CEPT1: variants seen among roughly 807,000 people sequenced by gnomAD.
CEPT1 encodes choline/ethanolaminephosphotransferase 1.
In CEPT1, 7 loss-of-function variants were observed where a neutral mutation model predicts 42.6. That is an observed-to-expected ratio of 0.16 (90% CI 0.09 to 0.31). The LOEUF is 0.31. CEPT1 is among the 10% of genes least tolerant of loss of function. The pLI is 1.00. For synonymous variants in CEPT1, 171 were observed against 171.9 expected (o/e 0.99, Z 0.04); for missense variants, 306 against 502.1 (o/e 0.61, Z 3.73).
chr1:111,176,207 T>A (rs1285019577), intron 5 of CEPT1, among the ~76,000 whole-genome samples: 1 of 152,216 alleles, frequency 6.6e-6, no homozygotes, highest in Non-Finnish European at 1.5e-5. Context: ...TTCAGTTATG[T>A]ATCTTAGATT....
At chr1:111,177,232 G>A (rs899171553) in intron 5 of CEPT1, among the ~76,000 whole-genome samples, 2 of 152,210 alleles carry the variant, frequency 1.3e-5, no homozygotes, top group Non-Finnish European at 2.9e-5. Context: ...CTTTGTGGGT[G>A]TACTTACGTG....
chr1:111,158,719 C>T (rs1459122546), intron 2 of CEPT1, among the ~76,000 whole-genome samples: 1 of 151,914 alleles, frequency 6.6e-6, no homozygotes, highest in East Asian at 1.9e-4. Context: ...TCATGTAATA[C>T]CTGCAAACAT....
In CEPT1 at chr1:111,166,633, A is replaced by AGT. The variant is rs1283724251; in HGVS notation, c.629+5341_629+5342dup. On this transcript the variant is annotated intron_variant, in intron 4 of 8. Coordinates refer to ENST00000357172, the MANE Select transcript of CEPT1 (RefSeq NM_006090.5). Reference sequence around the variant, plus strand: ...GTTTTTTTGAGATAGCAGAGGTAGGAGTGTGGTGAGGCTTGGGACAGGGAA... The same window carrying AGT: ...GTTTTTTTGAGATAGCAGAGGTAGGAGTGTGTGGTGAGGCTTGGGACAGGGAA... Among the ~76,000 whole-genome samples the AGT allele has an allele frequency of 3.3e-5, 5 of 152,266 alleles. No homozygotes were observed. In the East Asian group the frequency reaches 9.6e-4, roughly 29 times the overall value.
intron 4 of CEPT1, among the ~76,000 whole-genome samples, chr1:111,172,810 AT>A (rs1288638727): frequency 6.6e-6 from 1 of 152,244 alleles, no homozygotes; most frequent in East Asian, 1.9e-4. Flanking sequence ...AGATAAGCAA[AT>A]AAAAAATATT....
At chr1:111,155,057 GGT>G (rs1489163801) in intron 2 of CEPT1, among the ~76,000 whole-genome samples, 1 of 152,148 alleles carries the variant, frequency 6.6e-6, no homozygotes, top group Non-Finnish European at 1.5e-5. Flanking sequence ...CAGAAGAATT[GGT>G]GTAGTTCTTT....
rs1655850600 is a variant in CEPT1 at position 111,161,201 on chromosome 1, C to T, written c.534C>T (p.Asn178=). 3.1e-6 allele frequency: 5 copies of T among 1,613,996 alleles called. No homozygotes were observed. The highest frequency in any genetic ancestry group is 4.2e-6 in the Non-Finnish European group (5 of 1,179,962). ...GTATTGCAGTGCAGCTGGGGACAAA[C>T]CCTGATTGGATGTTTTTTTGTTGTT... ...GTCIAVQLGT[N]PDWMFFCCFA... The change falls in exon 4 of 9, where the codon AAC becomes AAT. Residue 178 remains asparagine (N), a synonymous_variant. Transcript: ENST00000357172.
intron 5 of CEPT1, among the ~76,000 whole-genome samples, chr1:111,175,207 C>T (rs1036256166): frequency 3.3e-5 from 5 of 152,078 alleles, no homozygotes; most frequent in Non-Finnish European, 7.4e-5. Flanking sequence ...ATTGTTATCC[C>T]ATTTTACAGA....
chr1:111,184,361 A>G lies in CEPT1; in HGVS notation c.*51A>G, dbSNP rs755761590. On this transcript the variant is annotated 3_prime_UTR_variant, in exon 9 of 9. Coordinates refer to ENST00000357172, the MANE Select transcript of CEPT1 (RefSeq NM_006090.5). Reference sequence around the variant, plus strand: ...CATGTTTTCTGCAGGAAAGAAAGTAACATATTAAGGAGAATGGGGGTGGAT... The same window carrying G: ...CATGTTTTCTGCAGGAAAGAAAGTAGCATATTAAGGAGAATGGGGGTGGAT... 3 of 1,471,682 alleles carry G rather than the reference A, an allele frequency of 2.0e-6. No homozygotes were observed. The highest frequency in any genetic ancestry group is 2.8e-6 in the Non-Finnish European group (3 of 1,063,516). The allele number at this position is 1,471,682 out of a possible 1,614,324, so 91.2% of individuals were successfully genotyped here.
At chr1:111,168,517 C>T (rs1405388654) in intron 4 of CEPT1, among the ~76,000 whole-genome samples, 1 of 148,706 alleles carries the variant, frequency 6.7e-6, no homozygotes, top group Non-Finnish European at 1.5e-5. Context: ...GAGGCGGAGT[C>T]TCACTCTGTC....
At chr1:111,146,891 C>T (rs996222097) in intron 1 of CEPT1, among the ~76,000 whole-genome samples, 3 of 151,400 alleles carry the variant, frequency 2.0e-5, no homozygotes, top group South Asian at 2.1e-4. Flanking sequence ...ATATCTCCAC[C>T]GAGAATACCG....
intron 1 of CEPT1, among the ~76,000 whole-genome samples, chr1:111,145,307 T>A (rs1053945179): frequency 8.5e-5 from 13 of 152,236 alleles, no homozygotes; most frequent in African/African-American, 3.1e-4. Flanking sequence ...CCTGGCGAAA[T>A]ATTAAATATT....
chr1:111,167,559 TTAGG>T (rs1656200918), intron 4 of CEPT1: 30 of 949,400 alleles, frequency 3.2e-5, no homozygotes, highest in Non-Finnish European at 3.6e-5. Flanking sequence ...AGAGTTTTTC[TTAGG>T]TAAGGAAGTT....
chr1:111,141,803 G>A (rs1272843348), intron 1 of CEPT1, among the ~76,000 whole-genome samples: 3 of 151,900 alleles, frequency 2.0e-5, no homozygotes. Flanking sequence ...GATCCTATTA[G>A]TTTTCTTTTT....
chr1:111,146,573 C>CTA (rs1280614485), intron 1 of CEPT1, among the ~76,000 whole-genome samples: 1 of 152,160 alleles, frequency 6.6e-6, no homozygotes, highest in Non-Finnish European at 1.5e-5. Flanking sequence ...TACCATCCTA[C>CTA]TATAGGCCCT....
At chr1:111,157,813 T>A (rs989137075) in intron 2 of CEPT1, among the ~76,000 whole-genome samples, 3 of 152,174 alleles carry the variant, frequency 2.0e-5, no homozygotes, top group East Asian at 1.9e-4. Context: ...ACTAAATAGA[T>A]CTCTATCAGA....
At chr1:111,142,572 T>G (rs1654714469) in intron 1 of CEPT1, among the ~76,000 whole-genome samples, 1 of 152,200 alleles carries the variant, frequency 6.6e-6, no homozygotes, top group Non-Finnish European at 1.5e-5. Flanking sequence ...CAGGAATCGC[T>G]TGAACCCAGG....
chr1:111,140,763 C>A (rs1156413082), intron 1 of CEPT1, among the ~76,000 whole-genome samples: 1 of 152,212 alleles, frequency 6.6e-6, no homozygotes, highest in Non-Finnish European at 1.5e-5. Flanking sequence ...CCGGGTTTGT[C>A]TCCCCTTAGG....
chr1:111,164,916 C>T (rs1033408320), intron 4 of CEPT1, among the ~76,000 whole-genome samples: 8 of 151,536 alleles, frequency 5.3e-5, no homozygotes, highest in South Asian at 2.1e-4. Context: ...CCACCGCACC[C>T]GGCCTATATT....
chr1:111,155,579 G>T (rs1012896185), intron 2 of CEPT1, among the ~76,000 whole-genome samples: 2 of 150,990 alleles, frequency 1.3e-5, no homozygotes, highest in African/African-American at 4.9e-5. Context: ...TGCTTTTATT[G>T]TCCGGGCTGG....
Sources: allele counts gnomAD v4.1 joint callset (sites outside exome capture counted in the v4.1 genomes callset), GRCh38; gene constraint gnomAD v4.1.1; transcripts MANE v1.5; gene names NCBI Gene and HGNC (gene_info 2026-07-23, HGNC 2026-07-21).